Variants in DET1 observed in about 807,000 individuals in gnomAD.
DET1 encodes the protein DET1 partner of COP1 E3 ubiquitin ligase.
Under a neutral mutation model 43.7 loss-of-function variants are expected in DET1, and 22 were observed. That is an observed-to-expected ratio of 0.50 (90% CI 0.36 to 0.72). The LOEUF (loss-of-function observed/expected upper bound fraction) is 0.72, where lower values mean the gene tolerates loss of function less well. DET1 is among the 30% of genes least tolerant of loss of function. The pLI, the probability that DET1 is intolerant of heterozygous loss-of-function variation, is 0.00. For missense variants in DET1, 713 were observed against 713.3 expected, an observed-to-expected ratio of 1.00 and a Z score of 0.00; for synonymous variants, 315 against 266.2, an observed-to-expected ratio of 1.18 and a Z score of -1.79.
downstream of DET1, among the ~76,000 whole-genome samples, chr15:88,510,643 A>G (rs115903484): frequency 5.4e-3 from 829 of 152,246 alleles, 10 homozygotes; most frequent in African/African-American, 0.019. Flanking sequence ...TTAAGATGGG[A>G]TTATGCCCAG....
intron 1 of DET1, among the ~76,000 whole-genome samples, chr15:88,542,622 G>T (rs565497432): frequency 1.4e-4 from 21 of 152,158 alleles, no homozygotes; most frequent in Non-Finnish European, 2.6e-4. Context: ...AAATAGCCCA[G>T]AAGGTTTTTG....
chr15:88,538,208 T>A (rs1050923857), intron 1 of DET1, among the ~76,000 whole-genome samples: 2 of 151,850 alleles, frequency 1.3e-5, no homozygotes, highest in Non-Finnish European at 2.9e-5. Flanking sequence ...ACAGACTCCA[T>A]CTTGGCTCTT....
intron 1 of DET1, among the ~76,000 whole-genome samples, chr15:88,532,778 C>T (rs1453333001): frequency 6.6e-6 from 1 of 152,114 alleles, no homozygotes; most frequent in African/African-American, 2.4e-5. Flanking sequence ...ACACCCTATA[C>T]AAAAATTAAC....
At chr15:88,503,688 C>CA (rs557763413) in intron 8 of DET1, 145 of 152,300 alleles carry the variant, frequency 9.5e-4, no homozygotes, top group African/African-American at 3.4e-3. Context: ...AAATTACCTC[C>CA]AAAATTCAGC....
intron 4 of DET1, among the ~76,000 whole-genome samples, chr15:88,515,531 T>G (rs1458395406): frequency 1.9e-5 from 1 of 51,898 alleles, no homozygotes; most frequent in African/African-American, 6.5e-5. Flanking sequence ...AGACAGAGAC[T>G]CCGTCTTATA....
intron 1 of DET1, among the ~76,000 whole-genome samples, chr15:88,540,854 G>A (rs28845574): frequency 0.18 from 20,929 of 118,604 alleles, 2,375 homozygotes; most frequent in African/African-American, 0.37. Flanking sequence ...GTGGAAGGCC[G>A]CAGGGACCTC....
chr15:88,531,244 G>A lies in DET1; in HGVS notation c.462C>T (p.Val154=). 1 of 1,613,856 alleles carries A rather than the reference G, an allele frequency of 6.2e-7. No homozygotes were observed. The highest frequency in any genetic ancestry group is 1.6e-4 in the Middle Eastern group (1 of 6,062). ...GGAGGTAGGCAGCTGAGCCCACGAT[G>A]ACACAGCGGCAGTCATCAGTGAAGA... The part of the protein sequence containing the change: ...CSLFTDDCRC[V]IVGSAAYLPD... Residue 154 remains valine, a synonymous_variant, in exon 2 of 5, where the codon GTC becomes GTT. Transcript: ENST00000268148. This position sits in a 1 kb window ranked among gnomAD's most constrained non-coding sequence, Gnocchi z 6.2.
intron 1 of DET1, among the ~76,000 whole-genome samples, chr15:88,540,528 T>C (rs1264524840): frequency 6.6e-6 from 1 of 151,792 alleles, no homozygotes; most frequent in Non-Finnish European, 1.5e-5. Context: ...CCCTCCAATG[T>C]ATGCTGGAAA....
At chr15:88,530,480 C>G in intron 2 of DET1, 143 bp downstream of exon 2, 2 of 1,371,388 alleles carry the variant, frequency 1.5e-6, no homozygotes, top group South Asian at 3.1e-5. Context: ...AAAAATGGAG[C>G]TGATTTTAAG....
intron 1 of DET1, among the ~76,000 whole-genome samples, chr15:88,538,850 C>A (rs1475136093): frequency 1.3e-5 from 2 of 152,150 alleles, no homozygotes; most frequent in Non-Finnish European, 2.9e-5. Flanking sequence ...GCTTCTCACC[C>A]CGGGGTCAGG....
At position 88,531,543 on chromosome 15, in the gene DET1, C is replaced by G. The variant is rs371253594; in HGVS notation, c.163G>C (p.Val55Leu). 9 of 1,614,006 alleles carry G rather than the reference C, an allele frequency of 5.6e-6. No individual in the cohort carries two copies. The highest frequency in any genetic ancestry group is 7.6e-6 in the Non-Finnish European group (9 of 1,179,896). Residue 55 changes from valine (V) to leucine (L), a missense_variant, in exon 2 of 5, where the codon GTT becomes CTT. Transcript: ENST00000268148. The surrounding 1 kb of genome is among the most constrained non-coding windows in gnomAD (Gnocchi z 6.2). ...CGCAAGAAACAAGGAGGCTTTTCAACGTTGACAACTGTGAAGTTGGGGAAG... is the reference window on the plus strand; with the variant it reads ...CGCAAGAAACAAGGAGGCTTTTCAAGGTTGACAACTGTGAAGTTGGGGAAG... ...NVFPNFTVVN[V>L]EKPPCFLRKF...
At position 88,531,372 on chromosome 15, in the gene DET1, G is replaced by A. The variant is rs375858867; in HGVS notation, c.334C>T (p.Arg112Trp). Reference protein sequence around the residue: ...GEILSNGNDQRSVNIRGRLFE... With the variant: ...GEILSNGNDQWSVNIRGRLFE... The stretch of plus-strand genomic sequence containing the variant: ...AGCCGGCCCCGGATATTCACTGACC[G>A]CTGGTCATTGCCATTGGACAGGATT... The change falls in exon 2 of 5, where the codon CGG (arginine) becomes TGG (tryptophan). Residue 112 changes from arginine to tryptophan, a missense_variant. Arg to Trp is a moderately radical substitution (Grantham distance 101). Coordinates refer to ENST00000268148, the MANE Select transcript of DET1 (RefSeq NM_001144074.3). This position sits in a 1 kb window ranked among gnomAD's most constrained non-coding sequence, Gnocchi z 6.2. 1.9e-5 allele frequency: 30 copies of A among 1,613,896 alleles called. No homozygotes were observed. Among genetic ancestry groups the A allele is most frequent in the Admixed American group, 1.0e-4 (6 of 60,006 alleles).
Position 88,512,528 on chromosome 15 carries a change from C to G in DET1, c.*423G>C. The G allele has an allele frequency of 1.0e-6, 1 of 989,046 alleles. No individual in the cohort carries two copies. The highest frequency in any genetic ancestry group is 1.2e-6 in the Non-Finnish European group (1 of 832,292). 61.3% of individuals were successfully genotyped at this position (989,046 alleles called of 1,614,324 possible). A position where few individuals can be genotyped will look rare whatever the true frequency, so the allele number is the denominator to read the frequency against. On this transcript the variant is annotated 3_prime_UTR_variant, in exon 5 of 5. Transcript: ENST00000268148. ...TTTATTTTTCTCTTAAAAAGATAGCCGTGCTTATGAGCTAAATGGAAAGGA... is the reference window on the plus strand; with the variant it reads ...TTTATTTTTCTCTTAAAAAGATAGCGGTGCTTATGAGCTAAATGGAAAGGA...
chr15:88,513,989 C>T (rs1319158074), intron 4 of DET1, among the ~76,000 whole-genome samples: 6 of 150,378 alleles, frequency 4.0e-5, no homozygotes, highest in East Asian at 1.9e-4. Flanking sequence ...TTAGTAGAGA[C>T]GGGGTTTCAC....
chr15:88,545,009 G>A (rs1362207216), intron 1 of DET1, among the ~76,000 whole-genome samples: 1 of 152,254 alleles, frequency 6.6e-6, no homozygotes, highest in East Asian at 1.9e-4. Context: ...ACTCCAAAAT[G>A]TTGACTTTTA....
intron 1 of DET1, among the ~76,000 whole-genome samples, chr15:88,534,341 C>T (rs1340303475): frequency 1.3e-5 from 2 of 152,118 alleles, no homozygotes; most frequent in Non-Finnish European, 2.9e-5. Flanking sequence ...AAAACCTAGA[C>T]AGAATGCATA....
Position 88,517,000 on chromosome 15 carries a change from C to T in DET1, c.1272-27G>A. On this transcript the variant is annotated intron_variant, in intron 3 of 4. Coordinates refer to ENST00000268148, the MANE Select transcript of DET1 (RefSeq NM_001144074.3). The surrounding 1 kb of genome is among the most constrained non-coding windows in gnomAD (Gnocchi z 4.4). The stretch of plus-strand genomic sequence containing the variant: ...TAAATGAAAGGACCGGTGAGGAAGG[C>T]TTTGTTAGTGAGTACACAAAGCTGT... 2 of 1,519,344 alleles carry T rather than the reference C, an allele frequency of 1.3e-6. No individual in the cohort carries two copies. Among genetic ancestry groups the T allele is most frequent in the South Asian group, 1.3e-5 (1 of 78,164 alleles). 94.1% of individuals were successfully genotyped at this position (1,519,344 alleles called of 1,614,324 possible).
At chr15:88,541,543 G>A (rs2057106599) in intron 1 of DET1, among the ~76,000 whole-genome samples, 1 of 152,144 alleles carries the variant, frequency 6.6e-6, no homozygotes, top group South Asian at 2.1e-4. Flanking sequence ...GAGAATTACG[G>A]AGTCTGCCTT....
rs1356405046 is a variant in DET1 at position 88,527,644 on chromosome 15, G to A, written c.1226C>T (p.Pro409Leu). 6.2e-7 allele frequency: 1 copy of A among 1,611,934 alleles called. No individual in the cohort carries two copies. Among genetic ancestry groups the A allele is most frequent in the South Asian group, 1.1e-5 (1 of 90,756 alleles). Residue 409 changes from proline to leucine, a missense_variant, in exon 3 of 5, where the codon CCC becomes CTC. Coordinates refer to ENST00000268148, the MANE Select transcript of DET1 (RefSeq NM_001144074.3). The stretch of plus-strand genomic sequence containing the variant: ...AAAATTGTTGCTAGAAGCTGAGCAG[G>A]GAAACTGAACTTCACTGTGCAGGGT... ...NATLHSEVQF[P>L]CSASSNNFAR...
Sources: allele counts gnomAD v4.1 joint callset (sites outside exome capture counted in the v4.1 genomes callset), GRCh38; gene constraint gnomAD v4.1.1; non-coding constraint Gnocchi (gnomAD v3.1); transcripts MANE v1.5; gene names NCBI Gene and HGNC (gene_info 2026-07-23, HGNC 2026-07-21).